The following TACC2 variants were observed in gnomAD, a reference collection of about 807,000 sequenced individuals.
The protein encoded by TACC2 is transforming acidic coiled-coil-containing protein 2.
TACC2 carries 137 observed loss-of-function variants against 227.3 expected under a neutral mutation model. That is an observed-to-expected ratio of 0.60 (90% CI 0.52 to 0.69). The LOEUF is 0.69. Ranked by LOEUF, TACC2 falls within the 30% of genes least tolerant of loss-of-function variation. The pLI is 0.00. For missense variants in TACC2, 3,470 were observed against 3,694.4 expected (o/e 0.94, Z 1.57); for synonymous variants, 1,523 against 1,487.5 (o/e 1.02, Z -0.55).
At chr10:122,225,064 TA>T (rs10712513) in intron 12 of TACC2, among the ~76,000 whole-genome samples, 47,567 of 143,768 alleles carry the variant, frequency 0.33, 7,944 homozygotes, top group Middle Eastern at 0.51. Flanking sequence ...GAGATTTCTT[TA>T]AAAAAAAAAA....
intron 7 of TACC2, among the ~76,000 whole-genome samples, chr10:122,188,643 T>G (rs2094299768): frequency 6.6e-6 from 1 of 152,154 alleles, no homozygotes; most frequent in Non-Finnish European, 1.5e-5. Context: ...TGTATTCAAT[T>G]AACACCTGGC....
intron 7 of TACC2, among the ~76,000 whole-genome samples, chr10:122,179,950 G>A (rs2093909670): frequency 6.6e-6 from 1 of 152,130 alleles, no homozygotes; most frequent in African/African-American, 2.4e-5. Context: ...CGGGAGTGGT[G>A]GCGTGTATCC....
chr10:121,989,399 C>G lies in TACC2; in HGVS notation c.-135C>G, dbSNP rs1952941100. The G allele has an allele frequency of 6.6e-6, 1 of 152,216 alleles. No individual in the cohort carries two copies. Among genetic ancestry groups the G allele is most frequent in the Admixed American group, 6.5e-5 (1 of 15,278 alleles). 9.4% of individuals were successfully genotyped at this position (152,216 alleles called of 1,614,324 possible). On this transcript the variant is annotated 5_prime_UTR_variant, in exon 1 of 23. Coordinates refer to ENST00000369005, the MANE Select transcript of TACC2 (RefSeq NM_206862.4). The stretch of plus-strand genomic sequence containing the variant: ...CTTGGTTTCTTACTCTACCTTATGC[C>G]CCTTGGGCGAATTTTTTCCTCTGAG...
Position 122,179,497 on chromosome 10 carries a change from G to C in TACC2, c.5835-15543G>C, listed in dbSNP as rs1280686109. Among the ~76,000 whole-genome samples, 5 of 152,304 alleles carry C rather than the reference G, an allele frequency of 3.3e-5. No individual in the cohort carries two copies. In the East Asian group the frequency reaches 9.6e-4, roughly 29 times the overall value. ...TGCAAAAGTACATGCTGGGATCTCAGATCTTTCCTTGATGCCCTTCACTTT... is the reference window on the plus strand; with the variant it reads ...TGCAAAAGTACATGCTGGGATCTCACATCTTTCCTTGATGCCCTTCACTTT... On this transcript the variant is annotated intron_variant, in intron 7 of 22. Transcript: ENST00000369005.
In TACC2 at chr10:122,084,400, C is replaced by T. The variant is rs896311539; in HGVS notation, c.1900C>T (p.Gln634Ter). Reference sequence around the variant, plus strand: ...AGACCATCCCAGCTCACACTCAGCACAGCCACCCAGAAAGGGGGGTGCTGG... The same window carrying T: ...AGACCATCCCAGCTCACACTCAGCATAGCCACCCAGAAAGGGGGGTGCTGG... Reference protein sequence around the residue: ...SRDHPSSHSAQPPRKGGAGHT... With the variant: ...SRDHPSSHSA Residue 634 changes from glutamine to a stop codon, truncating the protein, a stop_gained, in exon 4 of 23, where the codon CAG becomes TAG. Coordinates refer to ENST00000369005, the MANE Select transcript of TACC2 (RefSeq NM_206862.4). LOFTEE classifies it high-confidence loss of function. 1 of 1,613,050 alleles carries T rather than the reference C, an allele frequency of 6.2e-7. No individual in the cohort carries two copies. Among genetic ancestry groups the T allele is most frequent in the Non-Finnish European group, 8.5e-7 (1 of 1,180,038 alleles).
At chr10:122,100,616 G>T (rs2082027165) in intron 5 of TACC2, among the ~76,000 whole-genome samples, 1 of 151,964 alleles carries the variant, frequency 6.6e-6, no homozygotes, top group African/African-American at 2.4e-5. Context: ...AGTACAGACG[G>T]GGTTTCACCA....
rs1463290783 is a variant in TACC2, at chr10:122,086,993, T to G, written c.4493T>G (p.Leu1498Arg). ...CAAGATCCAGCTTCAGACAAGCTTC[T>G]GGGTCCAGCAGGGCTGACCTGGGAG... ...ALQDPASDKL[L>R]GPAGLTWERN... The change falls in exon 4 of 23, where the codon CTG (leucine) becomes CGG (arginine). Residue 1498 changes from leucine (L) to arginine (R), a missense_variant. Physicochemically the swap from Leu to Arg is moderately radical, Grantham distance 102. This residue lies in a region of TACC2 where 1,924 missense variants were observed against 1,978.3 expected (regional missense o/e 0.97). Transcript: ENST00000369005. 1 of 1,613,966 alleles carries G rather than the reference T, an allele frequency of 6.2e-7. No individual in the cohort carries two copies. The highest frequency in any genetic ancestry group is 8.5e-7 in the Non-Finnish European group (1 of 1,180,034).
intron 5 of TACC2, among the ~76,000 whole-genome samples, chr10:122,115,119 T>G (rs2138174887): frequency 6.6e-6 from 1 of 152,320 alleles, no homozygotes; most frequent in Middle Eastern, 3.4e-3. Flanking sequence ...TCCTGGTTAT[T>G]TGTGTTTGAT....
At chr10:121,999,329 G>A (rs1413627133) in intron 1 of TACC2, among the ~76,000 whole-genome samples, 3 of 152,172 alleles carry the variant, frequency 2.0e-5, no homozygotes, top group Non-Finnish European at 4.4e-5. Flanking sequence ...AGCTTAAAAA[G>A]CACAGCTTTG....
At chr10:122,233,730 G>A (rs1258045402) in intron 16 of TACC2, among the ~76,000 whole-genome samples, 2 of 152,138 alleles carry the variant, frequency 1.3e-5, no homozygotes, top group Non-Finnish European at 2.9e-5. Flanking sequence ...GCTCGCGAGC[G>A]CCTGTGTATT....
At chr10:122,226,336 C>T in intron 12 of TACC2, 30 bp from the exon 13 acceptor site, 1 of 1,532,476 alleles carries the variant, frequency 6.5e-7, no homozygotes, top group Non-Finnish European at 9.0e-7. Flanking sequence ...CAACTGTACC[C>T]AAGCTGATAT....
chr10:122,249,737 A>C, intron 22 of TACC2, 73 bp downstream of exon 22: 1 of 1,523,792 alleles, frequency 6.6e-7, no homozygotes, highest in Non-Finnish European at 8.9e-7. Context: ...GTCCAGCTAG[A>C]CAGGCTGGGC....
At position 122,205,053 on chromosome 10, in the gene TACC2, T is replaced by C. The variant is rs1422076617; in HGVS notation, c.5972-5344T>C. Among the ~76,000 whole-genome samples, 1 of 152,252 alleles carries C rather than the reference T, an allele frequency of 6.6e-6. No individual in the cohort carries two copies. The highest frequency in any genetic ancestry group is 1.5e-5 in the Non-Finnish European group (1 of 68,050). On this transcript the variant is annotated intron_variant, in intron 8 of 22. Transcript: ENST00000369005. This position sits in a 1 kb window ranked among gnomAD's most constrained non-coding sequence, Gnocchi z 4.5. ...ACTTAGATGCTCACGAGGCGGACTC[T>C]GCTGGGAACAATTTGGTTTATGTAA...
chr10:122,213,502 T>C, intron 9 of TACC2: 1 of 933,546 alleles, frequency 1.1e-6, no homozygotes, highest in Non-Finnish European at 1.7e-6. Flanking sequence ...GTGGTGGGCC[T>C]GCGAATGATG....
At chr10:122,046,655 C>T (rs928605133) in intron 2 of TACC2, among the ~76,000 whole-genome samples, 8 of 152,060 alleles carry the variant, frequency 5.3e-5, no homozygotes, top group African/African-American at 1.9e-4. Flanking sequence ...GGACTTGGAG[C>T]AAAGATCTGT....
intron 1 of TACC2, among the ~76,000 whole-genome samples, chr10:121,998,738 C>G (rs1953893200): frequency 6.6e-6 from 1 of 152,114 alleles, no homozygotes; most frequent in African/African-American, 2.4e-5. Context: ...AGAGATTAAA[C>G]CCAGCAACAC....
intron 5 of TACC2, among the ~76,000 whole-genome samples, chr10:122,093,210 G>C (rs1413726843): frequency 6.6e-6 from 1 of 152,006 alleles, no homozygotes; most frequent in East Asian, 1.9e-4. Context: ...GTAAACCTAG[G>C]CTGAATGGGG....
At position 122,143,559 on chromosome 10, in the gene TACC2, AT is replaced by A. The variant is rs1396313747; in HGVS notation, c.5700-11del. 3 of 1,613,062 alleles carry A rather than the reference AT, an allele frequency of 1.9e-6. No individual in the cohort carries two copies. On this transcript the variant is annotated splice_polypyrimidine_tract_variant and intron_variant, in intron 6 of 22. Coordinates refer to ENST00000369005, the MANE Select transcript of TACC2 (RefSeq NM_206862.4). ...CAGCACCATGTGGAATAATTCCCTC[AT>A]TGTGTCCCCAGCATCTCCCCAGCTG...
At chr10:122,133,527 CTGTG>C (rs138640040) in intron 6 of TACC2, among the ~76,000 whole-genome samples, 3 of 152,256 alleles carry the variant, frequency 2.0e-5, no homozygotes, top group East Asian at 3.9e-4. Context: ...ACACACATGT[CTGTG>C]TGTGTGTCTA....
Sources: allele counts gnomAD v4.1 joint callset (sites outside exome capture counted in the v4.1 genomes callset), GRCh38; gene constraint gnomAD v4.1.1; regional missense constraint gnomAD v4.1.1; non-coding constraint Gnocchi (gnomAD v3.1); transcripts MANE v1.5; gene names NCBI Gene and HGNC (gene_info 2026-07-23, HGNC 2026-07-21).